Variants in PAK3 observed in about 807,000 individuals in gnomAD.
PAK3 encodes p21 (RAC1) activated kinase 3.
In PAK3, 4 loss-of-function variants were observed where a neutral mutation model predicts 41.0. That is an observed-to-expected ratio of 0.10 (90% CI 0.05 to 0.22). The LOEUF is 0.22. Among genes scored for constraint, PAK3 ranks in the 10% least tolerant of loss-of-function variants. PAK3 has a pLI of 1.00. For synonymous variants in PAK3, 146 were observed against 139.6 expected (o/e 1.05, Z -0.32); for missense variants, 205 against 409.9 (o/e 0.50, Z 4.32).
intron 4 of PAK3, among the ~76,000 whole-genome samples, chrX:111,120,047 C>G (rs778708178): frequency 1.5e-3 from 173 of 112,349 alleles, no homozygotes; most frequent in South Asian, 7.4e-3. Flanking sequence ...TGGTTTGGTT[C>G]AAGCTTTATT....
chrX:110,951,077 C>T (rs2090735391), intron 1 of PAK3, among the ~76,000 whole-genome samples: 1 of 111,285 alleles, frequency 9.0e-6, no homozygotes, highest in South Asian at 3.7e-4. Context: ...TTTTTTTGGC[C>T]ATCTGTATTT....
chrX:111,210,488 G>A (rs1479252612), intron 16 of PAK3, among the ~76,000 whole-genome samples: 1 of 111,391 alleles, frequency 9.0e-6, no homozygotes, highest in African/African-American at 3.3e-5. Context: ...TGCCAGGCCT[G>A]TTCAGCTCAG....
chrX:111,136,115 G>A (rs1203590838), intron 5 of PAK3, among the ~76,000 whole-genome samples: 2 of 111,508 alleles, frequency 1.8e-5, no homozygotes, highest in African/African-American at 6.5e-5. Flanking sequence ...AAAAAAAGGA[G>A]TCCCTCCATT....
At chrX:111,212,374 T>G (rs1336646178) in intron 16 of PAK3, among the ~76,000 whole-genome samples, 1 of 111,823 alleles carries the variant, frequency 8.9e-6, no homozygotes, top group Non-Finnish European at 1.9e-5. Context: ...TCTCATTAGC[T>G]GGGTAGTGGG....
intron 11 of PAK3, among the ~76,000 whole-genome samples, chrX:111,184,889 A>T (rs780762371): frequency 9.0e-6 from 1 of 111,712 alleles, no homozygotes; most frequent in Non-Finnish European, 1.9e-5. Context: ...TAGTAGAATG[A>T]TTTATAACCC....
At chrX:111,138,695 G>C (rs1188717057) in intron 5 of PAK3, among the ~76,000 whole-genome samples, 1 of 111,177 alleles carries the variant, frequency 9.0e-6, no homozygotes, top group East Asian at 2.8e-4. Flanking sequence ...AGGGAGCATT[G>C]AATGTGTATA....
intron 1 of PAK3, among the ~76,000 whole-genome samples, chrX:110,998,765 A>G (rs765183558): frequency 4.4e-5 from 5 of 112,604 alleles, no homozygotes; most frequent in Non-Finnish European, 9.4e-5. Context: ...CAGGCACTCA[A>G]TAAATTTTGT....
chrX:111,058,276 C>T (rs901006870), intron 1 of PAK3, among the ~76,000 whole-genome samples: 2 of 111,486 alleles, frequency 1.8e-5, no homozygotes, highest in African/African-American at 6.5e-5. Context: ...GCAATGGTTG[C>T]CCCATTTACA....
chrX:111,129,597 G>T (rs1482091484), intron 5 of PAK3, among the ~76,000 whole-genome samples: 1 of 111,594 alleles, frequency 9.0e-6, no homozygotes, highest in Non-Finnish European at 1.9e-5. Context: ...ACCAGGGTCT[G>T]TGCTTCCACT....
chrX:110,990,831 A>G (rs1024720612), intron 1 of PAK3, among the ~76,000 whole-genome samples: 1 of 110,426 alleles, frequency 9.1e-6, no homozygotes, highest in Non-Finnish European at 1.9e-5. Context: ...GATGCTTGCT[A>G]TGAAGTCAAG....
intron 1 of PAK3, among the ~76,000 whole-genome samples, chrX:110,952,094 A>G (rs1034866415): frequency 8.9e-6 from 1 of 112,396 alleles, no homozygotes; most frequent in Non-Finnish European, 1.9e-5. Context: ...TGCAAAGGGT[A>G]TAGTGCCAAA....
intron 1 of PAK3, among the ~76,000 whole-genome samples, chrX:111,008,287 G>C (rs1264989513): frequency 8.9e-6 from 1 of 112,636 alleles, no homozygotes. Flanking sequence ...TAAGGAATAA[G>C]TGAAGTCAGA....
intron 4 of PAK3, among the ~76,000 whole-genome samples, chrX:111,113,789 C>T (rs7885675): frequency 0.045 from 4,981 of 110,021 alleles, 136 homozygotes; most frequent in African/African-American, 0.096. Context: ...CCCCACCCCA[C>T]GACAGGCTCC....
intron 1 of PAK3, among the ~76,000 whole-genome samples, chrX:111,075,350 C>T (rs1048403851): frequency 9.8e-5 from 11 of 112,550 alleles, no homozygotes; most frequent in South Asian, 3.7e-4. Context: ...GCCAATGCCC[C>T]GTGACACCTC....
chrX:111,113,409 G>T (rs1278329098), intron 4 of PAK3, among the ~76,000 whole-genome samples: 1 of 111,319 alleles, frequency 9.0e-6, no homozygotes, highest in Non-Finnish European at 1.9e-5. Context: ...GTTGGTGGTG[G>T]GAGGATGTAA....
chrX:111,084,501 C>A (rs2092862875), intron 1 of PAK3, among the ~76,000 whole-genome samples: 1 of 112,642 alleles, frequency 8.9e-6, no homozygotes, highest in Non-Finnish European at 1.9e-5. Context: ...GGTTGCTTAT[C>A]TTCTGTGTCT....
intron 1 of PAK3, among the ~76,000 whole-genome samples, chrX:111,024,453 G>T (rs2092240680): frequency 9.0e-6 from 1 of 111,370 alleles, no homozygotes; most frequent in Non-Finnish European, 1.9e-5. Flanking sequence ...GCTTGATAGG[G>T]ATAGCATTGA....
intron 1 of PAK3, among the ~76,000 whole-genome samples, chrX:110,982,732 C>T (rs1292169181): frequency 1.8e-5 from 2 of 111,077 alleles, no homozygotes; most frequent in Non-Finnish European, 3.8e-5. Context: ...TCTGTCAATA[C>T]GGGCAGATGA....
At chrX:111,209,665 TG>T (rs2094797691) in intron 16 of PAK3, among the ~76,000 whole-genome samples, 1 of 112,307 alleles carries the variant, frequency 8.9e-6, no homozygotes, top group South Asian at 3.7e-4. Context: ...ATATTGGTGC[TG>T]GGGCCCCTCA....
Sources: gnomAD v4.1 joint callset for allele counts (sites outside exome capture counted in the v4.1 genomes callset) on GRCh38, gnomAD v4.1.1 for gene constraint, MANE v1.5 for transcripts, NCBI Gene and HGNC (gene_info 2026-07-23, HGNC 2026-07-21) for gene names.